Variants in KCNT2 observed in about 807,000 individuals in gnomAD.
KCNT2 encodes potassium sodium-activated channel subfamily T member 2, also known as potassium channel subfamily T member 2.
KCNT2 carries 67 observed loss-of-function variants against 153.8 expected under a neutral mutation model. The ratio of observed to expected loss-of-function variants is 0.44; its 90% CI spans 0.36 to 0.53. The LOEUF (loss-of-function observed/expected upper bound fraction) is 0.53, where lower values mean the gene tolerates loss of function less well. Ranked by LOEUF, KCNT2 falls within the 20% of genes least tolerant of loss-of-function variation. The pLI, the probability that KCNT2 is intolerant of heterozygous loss-of-function variation, is 0.00. For synonymous variants in KCNT2, 500 were observed against 458.8 expected (o/e 1.09, Z -1.15); for missense variants, 975 against 1,354.8 (o/e 0.72, Z 4.40).
intron 22 of KCNT2, among the ~76,000 whole-genome samples, chr1:196,295,377 G>T (rs1660583795): frequency 6.6e-6 from 1 of 151,438 alleles, no homozygotes; most frequent in South Asian, 2.1e-4. Context: ...ACTTATTATT[G>T]TTCAAAAATT....
At chr1:196,341,082 A>G (rs1665579614) in intron 15 of KCNT2, among the ~76,000 whole-genome samples, 1 of 151,964 alleles carries the variant, frequency 6.6e-6, no homozygotes, top group Non-Finnish European at 1.5e-5. Flanking sequence ...AAAAAAAAGT[A>G]AAGTAGAATA....
At chr1:196,487,249 G>A (rs919659643) in intron 3 of KCNT2, among the ~76,000 whole-genome samples, 3 of 151,966 alleles carry the variant, frequency 2.0e-5, no homozygotes, top group African/African-American at 7.2e-5. Flanking sequence ...AAGCAAAAGT[G>A]ATGTTTGTCA....
intron 8 of KCNT2, among the ~76,000 whole-genome samples, chr1:196,440,284 A>G (rs1675109621): frequency 6.6e-6 from 1 of 152,026 alleles, no homozygotes; most frequent in African/African-American, 2.4e-5. Flanking sequence ...CATTGTATGT[A>G]TATGTTCCTT....
At chr1:196,296,566 T>C (rs1660693467) in intron 22 of KCNT2, among the ~76,000 whole-genome samples, 2 of 152,086 alleles carry the variant, frequency 1.3e-5, no homozygotes, top group African/African-American at 2.4e-5. Flanking sequence ...TTTCTGAGCC[T>C]GTATCCAATT....
chr1:196,323,462 C>G (rs1016788846), intron 19 of KCNT2, among the ~76,000 whole-genome samples: 1 of 151,776 alleles, frequency 6.6e-6, no homozygotes, highest in Non-Finnish European at 1.5e-5. Flanking sequence ...ATCAGTATGG[C>G]ACAACAGACC....
At chr1:196,591,705 A>G (rs957626023) in intron 1 of KCNT2, among the ~76,000 whole-genome samples, 14 of 152,160 alleles carry the variant, frequency 9.2e-5, no homozygotes, top group Admixed American at 6.6e-5. Flanking sequence ...GGATACTGTA[A>G]GTGTGGGATG....
rs184719406 is a variant in KCNT2, at chr1:196,594,651, A to C, written c.95+13564T>G. On this transcript the variant is annotated intron_variant, in intron 1 of 27. Coordinates refer to ENST00000294725, the MANE Select transcript of KCNT2 (RefSeq NM_198503.5). ...ATTATAAAACAAAATAATGGCATGT[A>C]GAATATATGGAGTAATCAGAGTGAT... Among the ~76,000 whole-genome samples, 294 of 152,256 alleles carry C rather than the reference A, an allele frequency of 1.9e-3. 3 individuals are homozygous for C. The highest frequency in any genetic ancestry group is 6.7e-3 in the African/African-American group (278 of 41,568).
At chr1:196,253,252 C>T (rs954066312) in intron 26 of KCNT2, among the ~76,000 whole-genome samples, 1 of 151,248 alleles carries the variant, frequency 6.6e-6, no homozygotes, top group Non-Finnish European at 1.5e-5. Context: ...TTTATTTTCC[C>T]TCCTTCTCTC....
At chr1:196,293,104 A>C (rs984648992) in intron 22 of KCNT2, among the ~76,000 whole-genome samples, 1 of 152,144 alleles carries the variant, frequency 6.6e-6, no homozygotes, top group African/African-American at 2.4e-5. Flanking sequence ...ATGAAACACC[A>C]ATAAAAGAAA....
rs566659050 is a variant in KCNT2 at position 196,549,344 on chromosome 1, T to C, written c.96-57003A>G. On this transcript the variant is annotated intron_variant, in intron 1 of 27. Coordinates refer to ENST00000294725, the MANE Select transcript of KCNT2 (RefSeq NM_198503.5). Reference sequence around the variant, plus strand: ...TATGGGAAAAGTAACACAGAATTATTTTACAGATAATAGGCCCCCCCACAC... The same window carrying C: ...TATGGGAAAAGTAACACAGAATTATCTTACAGATAATAGGCCCCCCCACAC... Among the ~76,000 whole-genome samples the C allele has an allele frequency of 1.0e-3, 153 of 151,992 alleles. 1 individual carries two copies. Among genetic ancestry groups the C allele is most frequent in the Non-Finnish European group, 2.8e-4 (19 of 67,902 alleles).
intron 1 of KCNT2, among the ~76,000 whole-genome samples, chr1:196,607,141 G>GAAA (rs1021600162): frequency 6.6e-6 from 1 of 152,158 alleles, no homozygotes; most frequent in Non-Finnish European, 1.5e-5. Context: ...AAAAGGTGAA[G>GAAA]AAAAGAAATA....
At chr1:196,251,735 ATAAC>A (rs1655989799) in intron 26 of KCNT2, among the ~76,000 whole-genome samples, 1 of 151,984 alleles carries the variant, frequency 6.6e-6, no homozygotes, top group Admixed American at 6.6e-5. Flanking sequence ...GCATTTAAAA[ATAAC>A]TAAAAGAGTT....
chr1:196,415,419 A>G (rs61820912), intron 12 of KCNT2, among the ~76,000 whole-genome samples: 3,805 of 151,900 alleles, frequency 0.025, 65 homozygotes, highest in Non-Finnish European at 0.042. Flanking sequence ...TTACCAAGCA[A>G]CGTGGTGTCC....
At chr1:196,245,581 A>G (rs1655367487) in intron 26 of KCNT2, among the ~76,000 whole-genome samples, 1 of 152,224 alleles carries the variant, frequency 6.6e-6, no homozygotes, top group South Asian at 2.1e-4. Context: ...GGATTATTCA[A>G]CATAGCTGTT....
chr1:196,365,094 G>T (rs1368255669), intron 14 of KCNT2, among the ~76,000 whole-genome samples: 2 of 151,702 alleles, frequency 1.3e-5, no homozygotes, highest in African/African-American at 4.8e-5. Context: ...TCTTTCTTTG[G>T]TCTCATAAAT....
chr1:196,402,549 G>T (rs1671504945), intron 12 of KCNT2, among the ~76,000 whole-genome samples: 1 of 151,310 alleles, frequency 6.6e-6, no homozygotes, highest in Non-Finnish European at 1.5e-5. Context: ...AAAGCCAATA[G>T]GTATATTACA....
intron 13 of KCNT2, among the ~76,000 whole-genome samples, chr1:196,380,413 T>C (rs1355764329): frequency 6.6e-6 from 1 of 152,216 alleles, no homozygotes; most frequent in Non-Finnish European, 1.5e-5. Context: ...AAATTGATAG[T>C]TACTTTAAAA....
chr1:196,472,532 C>T (rs544809497), intron 5 of KCNT2, among the ~76,000 whole-genome samples: 1 of 152,056 alleles, frequency 6.6e-6, no homozygotes, highest in East Asian at 1.9e-4. Flanking sequence ...ATCAATAGCT[C>T]GAACCAATAT....
chr1:196,453,480 T>C (rs1354627062), intron 8 of KCNT2, among the ~76,000 whole-genome samples: 1 of 151,988 alleles, frequency 6.6e-6, no homozygotes, highest in African/African-American at 2.4e-5. Flanking sequence ...TTTTGTTCCT[T>C]GAGTACTTCT....
Sources: gnomAD v4.1 joint callset for allele counts (sites outside exome capture counted in the v4.1 genomes callset) on GRCh38, gnomAD v4.1.1 for gene constraint, MANE v1.5 for transcripts, NCBI Gene and HGNC (gene_info 2026-07-23, HGNC 2026-07-21) for gene names.